CAMK2D: variants seen among roughly 807,000 people sequenced by gnomAD.
CAMK2D encodes the protein calcium/calmodulin dependent protein kinase II delta, also known as calcium/calmodulin-dependent protein kinase type II subunit delta.
A neutral mutation model predicts 84.0 loss-of-function variants in CAMK2D; 37 were observed. That is an observed-to-expected ratio of 0.44 (90% confidence interval 0.34 to 0.58). CAMK2D has a LOEUF of 0.58. CAMK2D is among the 20% of genes least tolerant of loss of function. The pLI is 0.02. For missense variants in CAMK2D, 448 were observed against 652.5 expected (o/e 0.69, Z 3.41); for synonymous variants, 202 against 212.5 (o/e 0.95, Z 0.43).
At chr4:113,750,416 A>G (rs1271614846) in intron 2 of CAMK2D, among the ~76,000 whole-genome samples, 4 of 152,050 alleles carry the variant, frequency 2.6e-5, no homozygotes, top group African/African-American at 9.7e-5. Context: ...TCACACATCA[A>G]TCTTTTCAGG....
At chr4:113,707,804 C>G (rs2099466242) in intron 2 of CAMK2D, among the ~76,000 whole-genome samples, 1 of 152,230 alleles carries the variant, frequency 6.6e-6, no homozygotes, top group Middle Eastern at 3.4e-3. Context: ...TGCTTCAGCT[C>G]TCTAGTGGCA....
intron 16 of CAMK2D, among the ~76,000 whole-genome samples, chr4:113,497,770 G>T (rs914193135): frequency 1.4e-4 from 22 of 152,190 alleles, no homozygotes; most frequent in African/African-American, 5.3e-4. Flanking sequence ...TGGTATTCAA[G>T]GAATCATATA....
At chr4:113,461,219 C>T (rs2097369336) in intron 17 of CAMK2D, among the ~76,000 whole-genome samples, 2 of 152,084 alleles carry the variant, frequency 1.3e-5, no homozygotes, top group South Asian at 2.1e-4. Context: ...TAAAGGGGTG[C>T]ACAATTTTAA....
intron 8 of CAMK2D, among the ~76,000 whole-genome samples, chr4:113,525,589 A>G (rs1233010091): frequency 2.6e-5 from 4 of 152,180 alleles, no homozygotes; most frequent in Non-Finnish European, 5.9e-5. Context: ...TGCGATCACA[A>G]AAGCAAGGTA....
intron 4 of CAMK2D, among the ~76,000 whole-genome samples, chr4:113,579,841 A>G (rs2098800092): frequency 6.6e-6 from 1 of 152,344 alleles, no homozygotes; most frequent in East Asian, 1.9e-4. Flanking sequence ...AAAACCAGAA[A>G]AAGAATTCTT....
rs10015368 is a variant in CAMK2D, at chr4:113,499,537, A to G, written c.1135+926T>C. 7.7e-3 allele frequency among the ~76,000 whole-genome samples: 1,179 copies of G among 152,260 alleles called. 21 individuals carry two copies. The highest frequency in any genetic ancestry group is 0.027 in the African/African-American group (1,103 of 41,558). ...TAAAATATGAATACAACTTTACAAG[A>G]CTTTATTGTATTAACACTACCTTTA... On this transcript the variant is annotated intron_variant, in intron 16 of 20. Coordinates refer to ENST00000511664, the MANE Select transcript of CAMK2D (RefSeq NM_001321571.2).
intron 8 of CAMK2D, among the ~76,000 whole-genome samples, chr4:113,520,420 AAAAAT>A (rs540792727): frequency 4.6e-4 from 70 of 152,178 alleles, no homozygotes; most frequent in African/African-American, 1.3e-3. Flanking sequence ...CCTCAAAAAT[AAAAAT>A]AAAATAAAAT....
chr4:113,628,842 T>C (rs1376015241), intron 3 of CAMK2D, among the ~76,000 whole-genome samples: 1 of 152,064 alleles, frequency 6.6e-6, no homozygotes, highest in Non-Finnish European at 1.5e-5. Flanking sequence ...CAAAAATGCT[T>C]TTGAACTAAG....
chr4:113,495,816 T>A (rs2097920047), intron 16 of CAMK2D, among the ~76,000 whole-genome samples: 1 of 152,066 alleles, frequency 6.6e-6, no homozygotes, highest in South Asian at 2.1e-4. Context: ...GTAAGAAGGA[T>A]GAAATGCAGC....
At chr4:113,606,666 T>C (rs77851972) in intron 4 of CAMK2D, among the ~76,000 whole-genome samples, 9,467 of 152,006 alleles carry the variant, frequency 0.062, 527 homozygotes, top group East Asian at 0.2. Flanking sequence ...ACTCATGTCA[T>C]CAGAGTTCCA....
At chr4:113,633,009 T>C (rs1357716121) in intron 3 of CAMK2D, among the ~76,000 whole-genome samples, 1 of 152,246 alleles carries the variant, frequency 6.6e-6, no homozygotes, top group East Asian at 1.9e-4. Flanking sequence ...GAAGGAATAG[T>C]TGTTTTGTTA....
intron 2 of CAMK2D, among the ~76,000 whole-genome samples, chr4:113,678,608 T>C (rs977328913): frequency 4.6e-5 from 7 of 152,196 alleles, no homozygotes; most frequent in Non-Finnish European, 8.8e-5. Context: ...CATCTGTTTA[T>C]GTCGGGAACA....
intron 16 of CAMK2D, 88 bp from the exon 17 acceptor site, chr4:113,465,692 TCTCA>T: frequency 1.3e-6 from 1 of 796,566 alleles, no homozygotes; most frequent in Non-Finnish European, 2.2e-6. Flanking sequence ...TGAGATAGGG[TCTCA>T]CTCTGTCACC....
chr4:113,569,896 G>A (rs1487002003), intron 4 of CAMK2D, among the ~76,000 whole-genome samples: 7 of 151,886 alleles, frequency 4.6e-5, no homozygotes, highest in African/African-American at 1.2e-4. Flanking sequence ...GAATATAATC[G>A]AGATGATTAA....
intron 17 of CAMK2D, among the ~76,000 whole-genome samples, chr4:113,465,283 T>C (rs2097444146): frequency 6.6e-6 from 1 of 152,210 alleles, no homozygotes; most frequent in Non-Finnish European, 1.5e-5. Context: ...TCTTCCCACC[T>C]TGGCCTTCCA....
chr4:113,494,220 T>G (rs1182680700), intron 16 of CAMK2D, among the ~76,000 whole-genome samples: 1 of 152,242 alleles, frequency 6.6e-6, no homozygotes, highest in Non-Finnish European at 1.5e-5. Flanking sequence ...GGCACTCTGC[T>G]TTTTAGAGTT....
chr4:113,744,167 T>C (rs1297775194), intron 2 of CAMK2D, among the ~76,000 whole-genome samples: 1 of 152,216 alleles, frequency 6.6e-6, no homozygotes, highest in Non-Finnish European at 1.5e-5. Flanking sequence ...AGCAAGCTTT[T>C]TCATGTTATC....
intron 2 of CAMK2D, among the ~76,000 whole-genome samples, chr4:113,706,743 T>C (rs1593317388): frequency 6.6e-6 from 1 of 152,116 alleles, no homozygotes; most frequent in Non-Finnish European, 1.5e-5. Flanking sequence ...AGAAATAACT[T>C]TGGTGGATTA....
chr4:113,748,875 C>T (rs1208012526), intron 2 of CAMK2D, among the ~76,000 whole-genome samples: 1 of 151,460 alleles, frequency 6.6e-6, no homozygotes. Flanking sequence ...TGTATTTATA[C>T]AAAACTGTAA....
Sources: allele counts gnomAD v4.1 joint callset (sites outside exome capture counted in the v4.1 genomes callset), GRCh38; gene constraint gnomAD v4.1.1; transcripts MANE v1.5; gene names NCBI Gene and HGNC (gene_info 2026-07-23, HGNC 2026-07-21).